NEK11: variants seen among roughly 807,000 people sequenced by gnomAD.
NEK11 encodes the protein NIMA related kinase 11.
In NEK11, 72 loss-of-function variants were observed where a neutral mutation model predicts 80.7. That is an observed-to-expected ratio of 0.89 (90% confidence interval 0.74 to 1.08). The LOEUF is 1.08. NEK11 is among the 50% of genes least tolerant of loss of function. The pLI is 0.00. For synonymous variants in NEK11, 251 were observed against 260.7 expected (o/e 0.96, Z 0.36); for missense variants, 764 against 763.6 (o/e 1.00, Z -0.01).
At position 131,152,696 on chromosome 3, in the gene NEK11, A is replaced by G; in HGVS notation, c.863A>G (p.Asp288Gly). 1 of 1,610,870 alleles carries G rather than the reference A, an allele frequency of 6.2e-7. No homozygotes were observed. Among genetic ancestry groups the G allele is most frequent in the Non-Finnish European group, 8.5e-7 (1 of 1,177,412 alleles). Residue 288 changes from aspartate (D) to glycine (G), a missense_variant, in exon 9 of 18, where the codon GAT becomes GGT. Physicochemically the swap from Asp to Gly is moderately conservative, Grantham distance 94. Transcript: ENST00000383366. ...GAAATTTTAAAAATCCCTTACCTTGATGAGCAGCTACAGGTATTTAAAATG... is the reference window on the plus strand; with the variant it reads ...GAAATTTTAAAAATCCCTTACCTTGGTGAGCAGCTACAGGTATTTAAAATG... ...AIEILKIPYLDEQLQNLMCRY... is the reference protein window; with the variant it reads ...AIEILKIPYLGEQLQNLMCRY...
chr3:131,097,826 CA>C (rs1487732046), intron 4 of NEK11, among the ~76,000 whole-genome samples: 2 of 141,850 alleles, frequency 1.4e-5, no homozygotes, highest in East Asian at 1.9e-4. Flanking sequence ...CATATGGAAC[CA>C]AAAAAGAGCC....
rs1172304184 is a variant in NEK11, at chr3:131,080,581, A to G, written c.329A>G (p.Tyr110Cys). ...EQDNFCIITEYCEGRDLDDKI... is the reference protein window; with the variant it reads ...EQDNFCIITECCEGRDLDDKI... The stretch of plus-strand genomic sequence containing the variant: ...GATAATTTCTGCATTATCACGGAGT[A>G]CTGTGAGGTGAGACTCTCCTTTTCT... Residue 110 changes from tyrosine to cysteine, a missense_variant, in exon 4 of 18, where the codon TAC becomes TGC. By Grantham distance (194) the Tyr-to-Cys change is radical (BLOSUM62 -2). Coordinates refer to ENST00000383366, the MANE Select transcript of NEK11 (RefSeq NM_024800.5). The G allele has an allele frequency of 5.0e-6, 8 of 1,607,952 alleles. No homozygotes were observed. The highest frequency in any genetic ancestry group is 1.1e-5 in the South Asian group (1 of 89,214).
At chr3:131,066,821 G>T (rs1380595031) in intron 3 of NEK11, among the ~76,000 whole-genome samples, 1 of 142,744 alleles carries the variant, frequency 7.0e-6, no homozygotes, top group African/African-American at 2.7e-5. Flanking sequence ...CAGCCTGGGC[G>T]ACAGAGCCAG....
chr3:131,048,780 G>A (rs1344927836), intron 3 of NEK11, among the ~76,000 whole-genome samples: 3 of 152,164 alleles, frequency 2.0e-5, no homozygotes, highest in Non-Finnish European at 4.4e-5. Flanking sequence ...TGTCTGAGTG[G>A]GAGCTGCAAG....
rs1257112651 is a variant in NEK11, at chr3:131,174,872, G to A, written c.1399+3985G>A. 4 of 1,541,188 alleles carry A rather than the reference G, an allele frequency of 2.6e-6. No homozygotes were observed. The African/African-American group carries it at 5.5e-5, about 21-fold the overall frequency. ...GCATGACTCCCTACCCCACCATTCA[G>A]ATGTGGAGAATGCAGTGAAGTAGGC... On this transcript the variant is annotated intron_variant, in intron 14 of 17. Coordinates refer to ENST00000383366, the MANE Select transcript of NEK11 (RefSeq NM_024800.5).
chr3:131,341,116 T>A (rs960476787), intron 17 of NEK11, among the ~76,000 whole-genome samples: 3 of 152,196 alleles, frequency 2.0e-5, no homozygotes, highest in Non-Finnish European at 4.4e-5. Flanking sequence ...CCTCTTAAAT[T>A]GAATTTCTAT....
chr3:131,087,507 G>T lies in NEK11; in HGVS notation c.336+6919G>T, dbSNP rs1372839896. On this transcript the variant is annotated intron_variant, in intron 4 of 17. Coordinates refer to ENST00000383366, the MANE Select transcript of NEK11 (RefSeq NM_024800.5). ...TCCGCCCACGTCAGCCTCCCAAAGT[G>T]CTGGGATGACAGGCGTGAGCCACCG... is the stretch of plus-strand genomic sequence containing the variant. Among the ~76,000 whole-genome samples the T allele has an allele frequency of 2.6e-5, 4 of 152,254 alleles. No homozygotes were observed. In the East Asian group the frequency reaches 5.8e-4, roughly 22 times the overall value.
chr3:131,167,698 G>T (rs1371771969), intron 12 of NEK11, among the ~76,000 whole-genome samples: 2 of 152,160 alleles, frequency 1.3e-5, no homozygotes, highest in African/African-American at 4.8e-5. Flanking sequence ...ATGGGAGCTA[G>T]ACACAAAGTT....
At chr3:131,279,758 T>C (rs1053809214) in intron 17 of NEK11, among the ~76,000 whole-genome samples, 6 of 152,352 alleles carry the variant, frequency 3.9e-5, no homozygotes, top group Non-Finnish European at 7.3e-5. Flanking sequence ...TCTAGATCTA[T>C]GCATAGTCAT....
At chr3:131,314,572 G>C (rs1471606227) in intron 17 of NEK11, among the ~76,000 whole-genome samples, 1 of 152,156 alleles carries the variant, frequency 6.6e-6, no homozygotes, top group East Asian at 1.9e-4. Context: ...AGCTATAATA[G>C]GGTTGGCAGA....
chr3:131,249,583 T>A (rs1247689002), intron 16 of NEK11, among the ~76,000 whole-genome samples: 1 of 152,000 alleles, frequency 6.6e-6, no homozygotes, highest in Non-Finnish European at 1.5e-5. Flanking sequence ...AACAAAGAGA[T>A]GAGTTGAAAG....
chr3:131,323,879 T>C (rs535940535), intron 17 of NEK11, among the ~76,000 whole-genome samples: 11 of 152,006 alleles, frequency 7.2e-5, no homozygotes, highest in Non-Finnish European at 1.2e-4. Context: ...CTTTTGAGAG[T>C]AGATTGGGCA....
At chr3:131,206,427 C>T (rs970869893) in intron 14 of NEK11, among the ~76,000 whole-genome samples, 2 of 152,138 alleles carry the variant, frequency 1.3e-5, no homozygotes, top group Non-Finnish European at 2.9e-5. Context: ...AAAATTTATG[C>T]ACAAATACCT....
intron 17 of NEK11, chr3:131,329,190 T>C (rs899573537): frequency 3.3e-5 from 5 of 152,202 alleles, no homozygotes; most frequent in African/African-American, 1.2e-4. Context: ...GAATATATCA[T>C]AAGAAATACT....
At chr3:131,349,463 A>G in intron 17 of NEK11, 94 bp from the exon 18 acceptor site, 1 of 1,055,722 alleles carries the variant, frequency 9.5e-7, no homozygotes, top group Non-Finnish European at 1.4e-6. Flanking sequence ...TCCCAGAATG[A>G]CAATGTTTGT....
chr3:131,332,802 G>C (rs558421576), intron 17 of NEK11, among the ~76,000 whole-genome samples: 9 of 152,212 alleles, frequency 5.9e-5, no homozygotes, highest in South Asian at 2.1e-4. Context: ...GCCAAGGCTC[G>C]AGAACTGCGT....
intron 4 of NEK11, among the ~76,000 whole-genome samples, chr3:131,095,288 C>G (rs1578179143): frequency 6.6e-6 from 1 of 152,028 alleles, no homozygotes; most frequent in African/African-American, 2.4e-5. Context: ...AAATTCTTAT[C>G]TAATCTAATT....
At chr3:131,152,561 CAG>C in intron 8 of NEK11, 24 bp downstream of exon 8, 1 of 1,609,336 alleles carries the variant, frequency 6.2e-7, no homozygotes, top group Non-Finnish European at 8.5e-7. Context: ...CATGTTGTCA[CAG>C]AAATAATTTA....
intron 15 of NEK11, among the ~76,000 whole-genome samples, chr3:131,235,081 G>A (rs966114940): frequency 6.6e-5 from 10 of 152,130 alleles, no homozygotes; most frequent in African/African-American, 2.4e-4. Context: ...AAGATGGAGA[G>A]GTCACCAGCC....
Sources: allele counts gnomAD v4.1 joint callset (sites outside exome capture counted in the v4.1 genomes callset), GRCh38; gene constraint gnomAD v4.1.1; transcripts MANE v1.5; gene names NCBI Gene and HGNC (gene_info 2026-07-23, HGNC 2026-07-21).